The following TGIF2 variants were observed in gnomAD, a reference collection of about 807,000 sequenced individuals.
The protein encoded by TGIF2 is TGFB induced factor homeobox 2, also known as homeobox protein TGIF2.
In TGIF2, 5 loss-of-function variants were observed where a neutral mutation model predicts 15.1. That is an observed-to-expected ratio of 0.33 (90% CI 0.17 to 0.70). The LOEUF (loss-of-function observed/expected upper bound fraction) is 0.70, where lower values mean the gene tolerates loss of function less well. Among genes scored for constraint, TGIF2 ranks in the 30% least tolerant of loss-of-function variants. The pLI, the probability that TGIF2 is intolerant of heterozygous loss-of-function variation, is 0.67. For missense variants in TGIF2, 264 were observed against 302.5 expected, an observed-to-expected ratio of 0.87 and a Z score of 0.94; for synonymous variants, 131 against 128.9, an observed-to-expected ratio of 1.02 and a Z score of -0.11.
chr20:36,588,950 G>T (rs114171554), intron 2 of TGIF2, among the ~76,000 whole-genome samples: 1 of 152,108 alleles, frequency 6.6e-6, no homozygotes, highest in African/African-American at 2.4e-5. Flanking sequence ...ACCATTCACC[G>T]GTTCCTTAAG....
rs200411969 is a variant in TGIF2 at position 36,578,950 on chromosome 20, A to G, written c.176A>G (p.Asn59Ser). Reference sequence around the variant, plus strand: ...AAGCTGAGCCTTTCTGGACAGACCAACCTGTCAGTGCTGCAAGTAAGGAGG... The same window carrying G: ...AAGCTGAGCCTTTCTGGACAGACCAGCCTGTCAGTGCTGCAAGTAAGGAGG... Reference protein sequence around the residue: ...QEKLSLSGQTNLSVLQICNWF... With the variant: ...QEKLSLSGQTSLSVLQICNWF... The change falls in exon 2 of 3, where the codon AAC becomes AGC. Residue 59 changes from asparagine (N) to serine (S), a missense_variant. By Grantham distance (46) the Asn-to-Ser change is conservative (BLOSUM62 1). Transcript: ENST00000373872. The G allele has an allele frequency of 7.4e-6, 12 of 1,613,768 alleles. No individual in the cohort carries two copies. The highest frequency in any genetic ancestry group is 1.0e-5 in the Non-Finnish European group (12 of 1,179,902).
intron 2 of TGIF2, among the ~76,000 whole-genome samples, chr20:36,585,996 T>C (rs577018552): frequency 6.6e-6 from 1 of 152,304 alleles, no homozygotes; most frequent in African/African-American, 2.4e-5. Flanking sequence ...GCAGTCCCCC[T>C]GGCGAGGGCT....
At position 36,591,867 on chromosome 20, in the gene TGIF2, G is replaced by C. The variant is rs983084545; in HGVS notation, c.*436G>C. On this transcript the variant is annotated 3_prime_UTR_variant, in exon 3 of 3. Coordinates refer to ENST00000373872, the MANE Select transcript of TGIF2 (RefSeq NM_021809.7). This position sits in a 1 kb window ranked among gnomAD's most constrained non-coding sequence, Gnocchi z 5.3. ...TCATATGCGTGAACAAAAGAAAAGA[G>C]GAACCCAGTGGATGTAACAGAACCG... is the stretch of plus-strand genomic sequence containing the variant. 1 of 158,140 alleles carries C rather than the reference G, an allele frequency of 6.3e-6. No homozygotes were observed. Among genetic ancestry groups the C allele is most frequent in the African/African-American group, 2.4e-5 (1 of 41,550 alleles). 9.8% of individuals were successfully genotyped at this position (158,140 alleles called of 1,614,324 possible).
At chr20:36,580,614 C>T (rs992641876) in intron 2 of TGIF2, among the ~76,000 whole-genome samples, 1 of 151,658 alleles carries the variant, frequency 6.6e-6, no homozygotes, top group Non-Finnish European at 1.5e-5. Context: ...GAGTTTGAGA[C>T]CAGCCTGGGC....
At chr20:36,574,491 C>T (rs1395249142) in intron 1 of TGIF2, 2 of 147,818 alleles carry the variant, frequency 1.4e-5, no homozygotes, top group South Asian at 2.2e-4. Flanking sequence ...CCCCTCCCTT[C>T]CCCTCCCCTC....
rs765074141 is a variant in TGIF2, at chr20:36,591,036, C to T, written c.319C>T (p.Arg107Cys). 16 of 1,601,328 alleles carry T rather than the reference C, an allele frequency of 1.0e-5. No individual in the cohort carries two copies. Among genetic ancestry groups the T allele is most frequent in the African/African-American group, 2.7e-5 (2 of 74,680 alleles). ...TAAGGCCTCAGATGTGGCCCTCCCC[C>T]GTGGCAGCAGCCCCTCAGTGCTGGC... ...GGKASDVALP[R>C]GSSPSVLAVS... Residue 107 changes from arginine (R) to cysteine (C), a missense_variant, in exon 3 of 3, where the codon CGT (arginine) becomes TGT (cysteine). By Grantham distance (180) the Arg-to-Cys change is radical. Coordinates refer to ENST00000373872, the MANE Select transcript of TGIF2 (RefSeq NM_021809.7). This position sits in a 1 kb window ranked among gnomAD's most constrained non-coding sequence, Gnocchi z 5.3.
chr20:36,586,622 G>A (rs766955096), intron 2 of TGIF2, among the ~76,000 whole-genome samples: 2 of 151,818 alleles, frequency 1.3e-5, no homozygotes, highest in Non-Finnish European at 2.9e-5. Flanking sequence ...TTGAACCCGA[G>A]AGGCGGAGGT....
intron 2 of TGIF2, among the ~76,000 whole-genome samples, chr20:36,580,598 G>A (rs958552771): frequency 6.6e-6 from 1 of 151,836 alleles, no homozygotes; most frequent in African/African-American, 2.4e-5. Flanking sequence ...GATCGCATGC[G>A]CCCAGGAGTT....
intron 2 of TGIF2, among the ~76,000 whole-genome samples, chr20:36,582,112 G>C (rs1410320868): frequency 1.3e-5 from 2 of 152,180 alleles, no homozygotes; most frequent in East Asian, 3.9e-4. Context: ...GCTCATGCCT[G>C]TACTCTCAGC....
intron 2 of TGIF2, among the ~76,000 whole-genome samples, chr20:36,588,159 G>T (rs1330782774): frequency 2.0e-5 from 3 of 151,586 alleles, no homozygotes; most frequent in African/African-American, 7.3e-5. Flanking sequence ...CTGGGAAGAT[G>T]TGTGACTGGA....
At chr20:36,588,627 T>C (rs1362547193) in intron 2 of TGIF2, among the ~76,000 whole-genome samples, 3 of 152,094 alleles carry the variant, frequency 2.0e-5, no homozygotes, top group Non-Finnish European at 1.5e-5. Flanking sequence ...TGGAGCACCA[T>C]AGTGGTGAAG....
In TGIF2 at chr20:36,584,413, T is replaced by C. The variant is rs555778247; in HGVS notation, c.192+5447T>C. 1.8e-4 allele frequency among the ~76,000 whole-genome samples: 27 copies of C among 152,174 alleles called. No individual in the cohort carries two copies. In the East Asian group the frequency reaches 4.1e-3, roughly 23 times the overall value. On this transcript the variant is annotated intron_variant, in intron 2 of 2. Transcript: ENST00000373872. ...GTAGGTAGGTGCTCAGTAAATAATGTTGAAGTGGCAGAAAAGGGCTATAAA... is the reference window on the plus strand; with the variant it reads ...GTAGGTAGGTGCTCAGTAAATAATGCTGAAGTGGCAGAAAAGGGCTATAAA...
chr20:36,591,184 C>T lies in TGIF2; in HGVS notation c.467C>T (p.Pro156Leu), dbSNP rs919908252. The change falls in exon 3 of 3, where the codon CCC becomes CTC. Residue 156 changes from proline to leucine, a missense_variant. Physicochemically the swap from Pro to Leu is moderately conservative, Grantham distance 98. Transcript: ENST00000373872. The surrounding 1 kb of genome is among the most constrained non-coding windows in gnomAD (Gnocchi z 5.3). Reference protein sequence around the residue: ...FPRGELESPKPLVTPGSTLTL... With the variant: ...FPRGELESPKLLVTPGSTLTL... ...CGTGGGGAGCTGGAGTCTCCCAAGC[C>T]CCTGGTGACCCCTGGTAGCACACTT... The T allele has an allele frequency of 6.2e-7, 1 of 1,614,152 alleles. No homozygotes were observed. Among genetic ancestry groups the T allele is most frequent in the African/African-American group, 1.3e-5 (1 of 75,064 alleles).
At chr20:36,586,693 T>TC (rs5841237) in intron 2 of TGIF2, among the ~76,000 whole-genome samples, 78,570 of 121,270 alleles carry the variant, frequency 0.65, 25,998 homozygotes, top group Non-Finnish European at 0.75. Context: ...AGACTCCATT[T>TC]CCCCCCCCCC....
chr20:36,580,028 A>G (rs1056811131), intron 2 of TGIF2, among the ~76,000 whole-genome samples: 3 of 151,890 alleles, frequency 2.0e-5, no homozygotes, highest in African/African-American at 7.3e-5. Flanking sequence ...CTTCCTGGAG[A>G]CACACAGTAG....
intron 2 of TGIF2, among the ~76,000 whole-genome samples, chr20:36,589,487 G>C (rs1037917145): frequency 4.6e-5 from 7 of 151,624 alleles, no homozygotes; most frequent in Non-Finnish European, 8.8e-5. Flanking sequence ...CTGCCTCCCG[G>C]GTTCAAGCAG....
intron 2 of TGIF2, among the ~76,000 whole-genome samples, chr20:36,587,497 G>A (rs1276709357): frequency 6.6e-6 from 1 of 152,084 alleles, no homozygotes; most frequent in East Asian, 1.9e-4. Context: ...GAGAGGGGCA[G>A]TGTACTCCTG....
intron 2 of TGIF2, 54 bp downstream of exon 2, chr20:36,579,020 A>T (rs938872277): frequency 1.1e-5 from 18 of 1,572,010 alleles, no homozygotes; most frequent in Non-Finnish European, 1.6e-5. Flanking sequence ...TTCTAGTCCT[A>T]TTCCAGCTGT....
At chr20:36,584,187 A>G (rs567584877) in intron 2 of TGIF2, among the ~76,000 whole-genome samples, 59 of 152,276 alleles carry the variant, frequency 3.9e-4, no homozygotes, top group African/African-American at 1.3e-3. Flanking sequence ...CCACCTCCCC[A>G]GACCATTTTC....
Sources: allele counts gnomAD v4.1 joint callset (sites outside exome capture counted in the v4.1 genomes callset), GRCh38; gene constraint gnomAD v4.1.1; non-coding constraint Gnocchi (gnomAD v3.1); transcripts MANE v1.5; gene names NCBI Gene and HGNC (gene_info 2026-07-23, HGNC 2026-07-21).